Variants in RB1 observed in about 807,000 individuals in gnomAD.
The protein encoded by RB1 is retinoblastoma-associated protein.
Under a neutral mutation model 135.4 loss-of-function variants are expected in RB1, and 18 were observed. That is an observed-to-expected ratio of 0.13 (90% CI 0.09 to 0.20). RB1 has a LOEUF of 0.20. RB1 is among the 10% of genes least tolerant of loss of function. The probability of loss-of-function intolerance (pLI) is 1.00; values close to 1 mark genes in which losing one functional copy is unlikely to be tolerated. For synonymous variants in RB1, 365 were observed against 373.2 expected (o/e 0.98, Z 0.25); for missense variants, 868 against 1,110.0 (o/e 0.78, Z 3.10).
At position 48,370,507 on chromosome 13, in the gene RB1, A is replaced by C. The variant is rs567245020; in HGVS notation, c.1127+1903A>C. The stretch of plus-strand genomic sequence containing the variant: ...AGTTGGGGTTCCCATGACACCTCTT[A>C]GGTTCGATTAATTTGCTAGAGTAGT... On this transcript the variant is annotated intron_variant, in intron 11 of 26. Transcript: ENST00000267163. 7.2e-5 allele frequency among the ~76,000 whole-genome samples: 11 copies of C among 152,310 alleles called. No individual in the cohort carries two copies. The South Asian group carries it at 2.3e-3, about 32-fold the overall frequency.
At chr13:48,411,042 T>C (rs1168827772) in intron 17 of RB1, 1 of 155,202 alleles carries the variant, frequency 6.4e-6, no homozygotes, top group Non-Finnish European at 1.4e-5. Flanking sequence ...TAGTATAAAA[T>C]AATTTAGTAA....
At chr13:48,436,558 G>A (rs1307833209) in intron 17 of RB1, among the ~76,000 whole-genome samples, 2 of 151,956 alleles carry the variant, frequency 1.3e-5, no homozygotes, top group East Asian at 1.9e-4. Flanking sequence ...CAGGAGAATC[G>A]CTTGAACCCG....
intron 4 of RB1, among the ~76,000 whole-genome samples, chr13:48,346,659 TA>T (rs1952501604): frequency 6.6e-6 from 1 of 151,876 alleles, no homozygotes; most frequent in African/African-American, 2.4e-5. Context: ...AAATATAAAA[TA>T]AAATGTGATA....
At chr13:48,436,847 A>G (rs192391207) in intron 17 of RB1, among the ~76,000 whole-genome samples, 203 of 152,282 alleles carry the variant, frequency 1.3e-3, no homozygotes, top group African/African-American at 4.7e-3. Flanking sequence ...TGGCACAAAA[A>G]CATTTCCTGT....
At chr13:48,379,759 A>G (rs1040188835) in intron 14 of RB1, 109 bp downstream of exon 14, 1 of 1,377,870 alleles carries the variant, frequency 7.3e-7, no homozygotes, top group African/African-American at 1.5e-5. Context: ...CAAGGCATCA[A>G]GATCATCCTG....
At chr13:48,443,809 T>G (rs1234157810) in intron 17 of RB1, among the ~76,000 whole-genome samples, 1 of 152,010 alleles carries the variant, frequency 6.6e-6, no homozygotes, top group Non-Finnish European at 1.5e-5. Flanking sequence ...TTATATACAT[T>G]TTTTTTTCTT....
intron 26 of RB1, among the ~76,000 whole-genome samples, chr13:48,477,947 T>C (rs562822233): frequency 5.3e-5 from 8 of 152,304 alleles, no homozygotes; most frequent in South Asian, 4.1e-4. Flanking sequence ...GTAAGTGGAA[T>C]TCTATTCAAA....
At chr13:48,462,443 GTTAT>G (rs1454208201) in intron 20 of RB1, among the ~76,000 whole-genome samples, 2 of 152,080 alleles carry the variant, frequency 1.3e-5, no homozygotes, top group Non-Finnish European at 2.9e-5. Flanking sequence ...TTTTAATAGA[GTTAT>G]TTGTCTTGTT....
intron 17 of RB1, among the ~76,000 whole-genome samples, chr13:48,386,194 T>C (rs915432381): frequency 1.3e-5 from 2 of 152,054 alleles, no homozygotes; most frequent in African/African-American, 2.4e-5. Context: ...AAGTTAACTT[T>C]GGTTAGGCAT....
intron 17 of RB1, among the ~76,000 whole-genome samples, chr13:48,451,738 ATTTT>A (rs59115458): frequency 1.4e-5 from 2 of 140,140 alleles, no homozygotes; most frequent in African/African-American, 2.6e-5. Flanking sequence ...TGATCCTGGG[ATTTT>A]TTTTTTTTTT....
intron 2 of RB1, among the ~76,000 whole-genome samples, chr13:48,314,500 A>G (rs1366670684): frequency 2.0e-5 from 3 of 151,852 alleles, no homozygotes; most frequent in African/African-American, 7.2e-5. Flanking sequence ...TTTTTTTTGG[A>G]TAAGAGCAGC....
chr13:48,334,912 A>G (rs1378963704), intron 2 of RB1, among the ~76,000 whole-genome samples: 1 of 151,842 alleles, frequency 6.6e-6, no homozygotes, highest in East Asian at 1.9e-4. Flanking sequence ...TTTGATAAAG[A>G]TTTTTCTCGA....
rs770857159 is a variant in RB1 at position 48,362,863 on chromosome 13, G to C, written c.767G>C (p.Gly256Ala). 1.9e-6 allele frequency: 3 copies of C among 1,613,874 alleles called. No individual in the cohort carries two copies. The highest frequency in any genetic ancestry group is 1.1e-5 in the South Asian group (1 of 91,084). Residue 256 changes from glycine to alanine, a missense_variant, in exon 8 of 27, where the codon GGT becomes GCT. Gly to Ala is a moderately conservative substitution (Grantham distance 60). Around this residue, in one of 3 missense-constraint regions of RB1, gnomAD observed 641 missense variants for 791.3 expected, o/e 0.81. Transcript: ENST00000267163. The stretch of plus-strand genomic sequence containing the variant: ...GGTTCACCTCGAACACCCAGGCGAG[G>C]TCAGAACAGGAGTGCACGGATAGCA... ...INGSPRTPRRGQNRSARIAKQ... is the reference protein window; with the variant it reads ...INGSPRTPRRAQNRSARIAKQ...
At chr13:48,339,669 C>T (rs1315248906) in intron 2 of RB1, among the ~76,000 whole-genome samples, 4 of 152,196 alleles carry the variant, frequency 2.6e-5, no homozygotes, top group Admixed American at 1.3e-4. Context: ...TGGTTGGCTG[C>T]ACTCACTTTC....
chr13:48,335,201 T>C (rs946231292), intron 2 of RB1, among the ~76,000 whole-genome samples: 4 of 152,144 alleles, frequency 2.6e-5, no homozygotes, highest in African/African-American at 7.2e-5. Flanking sequence ...TTTTTACATA[T>C]CCCTTTAATA....
intron 17 of RB1, among the ~76,000 whole-genome samples, chr13:48,424,498 A>G (rs138610829): frequency 1.6e-4 from 24 of 152,336 alleles, no homozygotes; most frequent in East Asian, 9.6e-4. Context: ...TCAAACAAGT[A>G]GGGAAAGGAA....
chr13:48,390,017 G>A (rs1181418676), intron 17 of RB1, among the ~76,000 whole-genome samples: 1 of 151,990 alleles, frequency 6.6e-6, no homozygotes, highest in Non-Finnish European at 1.5e-5. Context: ...AGCCAGGTGT[G>A]GTGGCACACA....
chr13:48,396,697 A>C (rs1332473712), intron 17 of RB1, among the ~76,000 whole-genome samples: 3 of 152,228 alleles, frequency 2.0e-5, no homozygotes, highest in Admixed American at 1.3e-4. Flanking sequence ...AACTATCTTC[A>C]GAGTGAACAG....
At chr13:48,348,805 C>A in intron 5 of RB1, 151 bp from the exon 6 acceptor site, 1 of 798,878 alleles carries the variant, frequency 1.3e-6, no homozygotes, top group Non-Finnish European at 1.9e-6. Flanking sequence ...GTAAATTATG[C>A]AATTAAAATG....
Sources: allele counts gnomAD v4.1 joint callset (sites outside exome capture counted in the v4.1 genomes callset), GRCh38; gene constraint gnomAD v4.1.1; regional missense constraint gnomAD v4.1.1; transcripts MANE v1.5; gene names NCBI Gene and HGNC (gene_info 2026-07-23, HGNC 2026-07-21).